AGBL4: variants seen among roughly 807,000 people sequenced by gnomAD.
The protein encoded by AGBL4 is AGBL carboxypeptidase 4.
Under a neutral mutation model 66.4 loss-of-function variants are expected in AGBL4, and 58 were observed. The ratio of observed to expected loss-of-function variants is 0.87; its 90% CI spans 0.71 to 1.09. AGBL4 has a LOEUF of 1.09. Among genes scored for constraint, AGBL4 ranks in the 50% least tolerant of loss-of-function variants. AGBL4 has a pLI of 0.00. For synonymous variants in AGBL4, 234 were observed against 222.9 expected, an observed-to-expected ratio of 1.05 and a Z score of -0.44; for missense variants, 579 against 631.0, an observed-to-expected ratio of 0.92 and a Z score of 0.88.
intron 5 of AGBL4, among the ~76,000 whole-genome samples, chr1:49,043,937 T>C (rs993029435): frequency 1.3e-5 from 2 of 152,176 alleles, no homozygotes; most frequent in African/African-American, 4.8e-5. Context: ...GCTGAGTCCA[T>C]TTAACTAGCA....
chr1:49,116,918 T>G (rs1164393862), intron 4 of AGBL4, among the ~76,000 whole-genome samples: 1 of 152,222 alleles, frequency 6.6e-6, no homozygotes, highest in African/African-American at 2.4e-5. Context: ...ACATTCTAAC[T>G]GGCGTAAGAT....
intron 9 of AGBL4, among the ~76,000 whole-genome samples, chr1:48,601,485 G>A (rs919026496): frequency 6.6e-6 from 1 of 152,198 alleles, no homozygotes; most frequent in Non-Finnish European, 1.5e-5. Context: ...GTAACTTTCT[G>A]TGCAATGAGG....
At chr1:49,749,107 C>T (rs866835841) in intron 2 of AGBL4, among the ~76,000 whole-genome samples, 17 of 152,082 alleles carry the variant, frequency 1.1e-4, no homozygotes, top group African/African-American at 4.1e-4. Context: ...AATGGTATTG[C>T]CTAGGTTTTC....
At chr1:49,682,519 C>T (rs1646714760) in intron 3 of AGBL4, among the ~76,000 whole-genome samples, 1 of 152,212 alleles carries the variant, frequency 6.6e-6, no homozygotes, top group African/African-American at 2.4e-5. Flanking sequence ...ACTTTTGATG[C>T]TTATTCAATG....
In AGBL4 at chr1:48,891,617, G is replaced by C. The variant is rs535473966; in HGVS notation, c.595-24387C>G. ...TACTGCCTTTTGTCTTCTGCCCAGAGATTTGCTTTCAAATAAGATAAGAGT... is the reference window on the plus strand; with the variant it reads ...TACTGCCTTTTGTCTTCTGCCCAGACATTTGCTTTCAAATAAGATAAGAGT... On this transcript the variant is annotated intron_variant, in intron 5 of 13. Coordinates refer to ENST00000371839, the MANE Select transcript of AGBL4 (RefSeq NM_032785.4). Among the ~76,000 whole-genome samples the C allele has an allele frequency of 5.9e-5, 9 of 152,330 alleles. No individual in the cohort carries two copies. The East Asian group carries it at 1.5e-3, about 26-fold the overall frequency.
chr1:49,326,281 C>A (rs2148483956), intron 3 of AGBL4, among the ~76,000 whole-genome samples: 1 of 152,276 alleles, frequency 6.6e-6, no homozygotes, highest in East Asian at 1.9e-4. Context: ...CCTTTGAGCA[C>A]TTTAAAGATG....
At chr1:48,827,012 A>G (rs1049696182) in intron 6 of AGBL4, among the ~76,000 whole-genome samples, 5 of 152,168 alleles carry the variant, frequency 3.3e-5, no homozygotes, top group African/African-American at 4.8e-5. Context: ...CAAGATCAAG[A>G]TAAGTCAAGA....
chr1:48,621,531 A>C (rs1645413654), intron 9 of AGBL4, among the ~76,000 whole-genome samples: 2 of 152,210 alleles, frequency 1.3e-5, no homozygotes, highest in Admixed American at 1.3e-4. Context: ...AGCAGAGGAA[A>C]AAAAGCACCC....
At chr1:48,558,317 G>A (rs558806598) in intron 11 of AGBL4, among the ~76,000 whole-genome samples, 4 of 152,146 alleles carry the variant, frequency 2.6e-5, no homozygotes, top group Non-Finnish European at 5.9e-5. Flanking sequence ...CAGAGCAAGA[G>A]GGCACCAAAA....
chr1:48,551,654 CTG>C, intron 11 of AGBL4, among the ~76,000 whole-genome samples: 1 of 152,146 alleles, frequency 6.6e-6, no homozygotes, highest in African/African-American at 2.4e-5. Flanking sequence ...TTGTAAAATT[CTG>C]TGTTTTCTGG....
chr1:49,844,758 C>T, intron 2 of AGBL4: 1 of 1,591,716 alleles, frequency 6.3e-7, no homozygotes. Context: ...AAATATCCAA[C>T]AATGTCATCT....
intron 1 of AGBL4, among the ~76,000 whole-genome samples, chr1:49,972,970 G>A (rs932944564): frequency 6.6e-5 from 10 of 152,102 alleles, no homozygotes; most frequent in African/African-American, 2.2e-4. Flanking sequence ...TTTTAGAGGA[G>A]GAAATCAGGC....
At chr1:49,525,688 C>T (rs995652150) in intron 3 of AGBL4, among the ~76,000 whole-genome samples, 1 of 152,068 alleles carries the variant, frequency 6.6e-6, no homozygotes, top group South Asian at 2.1e-4. Flanking sequence ...AGAGGCCAGA[C>T]GGGAGTTCAG....
chr1:48,710,172 C>T (rs371070569), intron 6 of AGBL4, among the ~76,000 whole-genome samples: 11 of 152,212 alleles, frequency 7.2e-5, no homozygotes, highest in Admixed American at 3.3e-4. Context: ...TGAAGAAATG[C>T]GGTTCCCCTG....
chr1:48,662,449 T>C (rs1262134306), intron 7 of AGBL4, among the ~76,000 whole-genome samples: 1 of 152,224 alleles, frequency 6.6e-6, no homozygotes, highest in Non-Finnish European at 1.5e-5. Flanking sequence ...CACAGGCGTT[T>C]CATATCTCTT....
chr1:49,762,380 A>T (rs1652391114), intron 2 of AGBL4, among the ~76,000 whole-genome samples: 1 of 151,772 alleles, frequency 6.6e-6, no homozygotes, highest in Non-Finnish European at 1.5e-5. Flanking sequence ...TGTTTTAGAG[A>T]AATGTCTATT....
intron 1 of AGBL4, among the ~76,000 whole-genome samples, chr1:49,926,049 G>C (rs1652737881): frequency 6.6e-6 from 1 of 152,212 alleles, no homozygotes; most frequent in Non-Finnish European, 1.5e-5. Context: ...TAGCCAAGTG[G>C]TGGTTACAGT....
chr1:49,075,645 T>A (rs1644695677), intron 4 of AGBL4, among the ~76,000 whole-genome samples: 2 of 152,326 alleles, frequency 1.3e-5, no homozygotes, highest in South Asian at 4.1e-4. Context: ...ATCAAGATAG[T>A]GCAGGCCAGC....
At chr1:49,685,800 A>G (rs1571326623) in intron 3 of AGBL4, among the ~76,000 whole-genome samples, 1 of 152,154 alleles carries the variant, frequency 6.6e-6, no homozygotes, top group Non-Finnish European at 1.5e-5. Context: ...AATTTAGACC[A>G]TCGTCAAGTG....
Sources: allele counts gnomAD v4.1 joint callset (sites outside exome capture counted in the v4.1 genomes callset), GRCh38; gene constraint gnomAD v4.1.1; transcripts MANE v1.5; gene names NCBI Gene and HGNC (gene_info 2026-07-23, HGNC 2026-07-21).